VPS13B: variants seen among roughly 807,000 people sequenced by gnomAD.
The protein encoded by VPS13B is intermembrane lipid transfer protein VPS13B.
VPS13B carries 285 observed loss-of-function variants against 426.4 expected under a neutral mutation model. The ratio of observed to expected loss-of-function variants is 0.67; its 90% CI spans 0.61 to 0.74. The LOEUF (loss-of-function observed/expected upper bound fraction) is 0.74. Among genes scored for constraint, VPS13B ranks in the 30% least tolerant of loss-of-function variants. The probability of loss-of-function intolerance (pLI) is 0.00; values close to 1 mark genes in which losing one functional copy is unlikely to be tolerated. For missense variants in VPS13B, 4,537 were observed against 4,782.6 expected, an observed-to-expected ratio of 0.95 and a Z score of 1.51; for synonymous variants, 1,676 against 1,676.4, an observed-to-expected ratio of 1.00 and a Z score of 0.01.
intron 55 of VPS13B, among the ~76,000 whole-genome samples, chr8:99,852,507 G>A (rs1458295028): frequency 2.0e-5 from 3 of 152,220 alleles, no homozygotes; most frequent in African/African-American, 7.2e-5. Flanking sequence ...TAGAAGAGCT[G>A]AGAGAAGACA....
intron 14 of VPS13B, among the ~76,000 whole-genome samples, chr8:99,154,100 C>G (rs11995021): frequency 0.075 from 11,186 of 149,310 alleles, 631 homozygotes; most frequent in African/African-American, 0.16. Flanking sequence ...TTTTTTTGGG[C>G]GACTTTATCT....
intron 3 of VPS13B, among the ~76,000 whole-genome samples, chr8:99,085,317 T>G (rs1269766460): frequency 6.6e-6 from 1 of 152,220 alleles, no homozygotes; most frequent in African/African-American, 2.4e-5. Flanking sequence ...TAGATCTTCC[T>G]CCATCCCTTT....
chr8:99,600,916 C>A (rs1261127121), intron 33 of VPS13B, among the ~76,000 whole-genome samples: 4 of 152,044 alleles, frequency 2.6e-5, no homozygotes, highest in African/African-American at 9.7e-5. Context: ...TTCCTTTATA[C>A]CCTAAATAAA....
intron 19 of VPS13B, among the ~76,000 whole-genome samples, chr8:99,289,031 CTATG>C (rs1304659977): frequency 4.9e-5 from 3 of 61,588 alleles, no homozygotes; most frequent in East Asian, 3.5e-4. Flanking sequence ...ACCCCTGCCT[CTATG>C]AATGAATGAA....
chr8:99,745,351 T>C (rs1810028189), intron 39 of VPS13B, among the ~76,000 whole-genome samples: 1 of 152,130 alleles, frequency 6.6e-6, no homozygotes, highest in South Asian at 2.1e-4. Flanking sequence ...AATTTTTCTA[T>C]TATGAAAAAT....
rs997793751 is a variant in VPS13B at position 99,822,170 on chromosome 8, CATT to C, written c.9183+692_9183+694del. ...TTTTTTGCTGTACTTCTAATATCAT[CATT>C]ATTTTAGCTGTCCAAAATTAGAAAA... is the stretch of plus-strand genomic sequence containing the variant. On this transcript the variant is annotated intron_variant, in intron 50 of 61. Transcript: ENST00000357162. Among the ~76,000 whole-genome samples, 9 of 152,254 alleles carry C rather than the reference CATT, an allele frequency of 5.9e-5. No individual in the cohort carries two copies. The South Asian group carries it at 1.9e-3, about 32-fold the overall frequency.
intron 17 of VPS13B, among the ~76,000 whole-genome samples, chr8:99,244,424 T>C (rs1817093852): frequency 6.6e-6 from 1 of 152,242 alleles, no homozygotes; most frequent in South Asian, 2.1e-4. Flanking sequence ...TTTGCTTCTT[T>C]ATAAATATTA....
At chr8:99,730,346 T>G (rs1185635072) in intron 39 of VPS13B, among the ~76,000 whole-genome samples, 1 of 152,236 alleles carries the variant, frequency 6.6e-6, no homozygotes, top group Non-Finnish European at 1.5e-5. Flanking sequence ...ACAAGTCTTG[T>G]GTATCCAGTG....
chr8:99,210,421 A>C (rs528096495), intron 17 of VPS13B, among the ~76,000 whole-genome samples: 1 of 151,906 alleles, frequency 6.6e-6, no homozygotes, highest in Non-Finnish European at 1.5e-5. Context: ...GTATCTTTCT[A>C]TTATGGCCAT....
chr8:99,470,954 A>T (rs1399360990), intron 24 of VPS13B, among the ~76,000 whole-genome samples: 1 of 152,118 alleles, frequency 6.6e-6, no homozygotes, highest in Non-Finnish European at 1.5e-5. Flanking sequence ...TAATGATTTG[A>T]ATTAGAGTAG....
chr8:99,747,379 G>C (rs893011774), intron 39 of VPS13B, among the ~76,000 whole-genome samples: 1 of 151,938 alleles, frequency 6.6e-6, no homozygotes. Context: ...CCAGTTGAGA[G>C]ACAGTGAAGT....
chr8:99,873,041 TG>T (rs1817509783), intron 61 of VPS13B, among the ~76,000 whole-genome samples: 1 of 152,258 alleles, frequency 6.6e-6, no homozygotes, highest in South Asian at 2.1e-4. Context: ...CAGAATCTTC[TG>T]ATCAGTTGAG....
At chr8:99,780,739 G>A (rs1450979012) in intron 42 of VPS13B, among the ~76,000 whole-genome samples, 2 of 152,104 alleles carry the variant, frequency 1.3e-5, no homozygotes, top group Admixed American at 1.3e-4. Flanking sequence ...CATGTCAAGG[G>A]TACTTGCCAC....
intron 16 of VPS13B, among the ~76,000 whole-genome samples, chr8:99,181,788 A>G (rs192461620): frequency 1.5e-3 from 229 of 152,246 alleles, no homozygotes; most frequent in Non-Finnish European, 2.9e-3. Context: ...AATCACATGT[A>G]TTAATATAAT....
At chr8:99,607,042 C>T (rs1452529630) in intron 33 of VPS13B, among the ~76,000 whole-genome samples, 5 of 152,166 alleles carry the variant, frequency 3.3e-5, no homozygotes, top group Admixed American at 1.3e-4. Context: ...ACCTTAATCA[C>T]TCTGCAGAGT....
chr8:99,443,266 C>G (rs548561391), intron 23 of VPS13B, among the ~76,000 whole-genome samples: 1 of 152,028 alleles, frequency 6.6e-6, no homozygotes, highest in Non-Finnish European at 1.5e-5. Context: ...TAACAAGGCT[C>G]AAATTTTTGA....
chr8:99,188,742 A>AT (rs1203858138), intron 16 of VPS13B, among the ~76,000 whole-genome samples: 9 of 152,030 alleles, frequency 5.9e-5, no homozygotes, highest in Non-Finnish European at 1.3e-4. Flanking sequence ...GCTTATTTTT[A>AT]TTTTTTAAAA....
At chr8:99,555,209 C>G (rs1459613106) in intron 30 of VPS13B, among the ~76,000 whole-genome samples, 1 of 152,102 alleles carries the variant, frequency 6.6e-6, no homozygotes, top group Non-Finnish European at 1.5e-5. Flanking sequence ...GCAGCTGGCC[C>G]AGACACCCGT....
intron 20 of VPS13B, among the ~76,000 whole-genome samples, chr8:99,390,809 T>G (rs1051640374): frequency 6.6e-6 from 1 of 152,316 alleles, no homozygotes; most frequent in African/African-American, 2.4e-5. Context: ...AACTTAAAAC[T>G]TTTTTTGCCA....
Sources: gnomAD v4.1 joint callset for allele counts (sites outside exome capture counted in the v4.1 genomes callset) on GRCh38, gnomAD v4.1.1 for gene constraint, MANE v1.5 for transcripts, NCBI Gene and HGNC (gene_info 2026-07-23, HGNC 2026-07-21) for gene names.